The following ARRB2 variants were observed in gnomAD, a reference collection of about 807,000 sequenced individuals.
ARRB2 encodes arrestin beta 2.
A neutral mutation model predicts 53.4 loss-of-function variants in ARRB2; 21 were observed. That is an observed-to-expected ratio of 0.39 (90% CI 0.28 to 0.57). The LOEUF is 0.57. ARRB2 is among the 20% of genes least tolerant of loss of function. The pLI is 0.55. For synonymous variants in ARRB2, 180 were observed against 212.9 expected (o/e 0.85, Z 1.34); for missense variants, 369 against 527.5 (o/e 0.70, Z 2.94).
intron 14 of ARRB2, 32 bp from the exon 15 acceptor site, chr17:4,720,914 C>G (rs1346659908): frequency 1.2e-6 from 2 of 1,606,550 alleles, no homozygotes; most frequent in Admixed American, 1.7e-5. Context: ...GTCAGAAGCC[C>G]TCACCTCACA....
intron 5 of ARRB2, chr17:4,716,995 C>T (rs146514515): frequency 5.0e-5 from 30 of 597,674 alleles, no homozygotes; most frequent in East Asian, 3.8e-4. Flanking sequence ...CCACCACACA[C>T]GACTAATTTT....
At position 4,717,313 on chromosome 17, in the gene ARRB2, G is replaced by A; in HGVS notation, c.417+37G>A. 6.2e-7 allele frequency: 1 copy of A among 1,609,218 alleles called. No individual in the cohort carries two copies. The highest frequency in any genetic ancestry group is 8.5e-7 in the Non-Finnish European group (1 of 1,175,582). On this transcript the variant is annotated intron_variant, in intron 6 of 14. Transcript: ENST00000269260. This position sits in a 1 kb window ranked among gnomAD's most constrained non-coding sequence, Gnocchi z 6.0. ...ACAGCTCTGAGGGCTCCTAGGGCAG[G>A]ACATGGGCCAGCAGGAGCCTGGAGG...
In ARRB2 at chr17:4,721,083, G is replaced by C. The variant is rs35270783; in HGVS notation, c.*44G>C. 1,582 of 1,580,626 alleles carry C rather than the reference G, an allele frequency of 1.0e-3. 12 individuals are homozygous for C. In the African/African-American group the frequency reaches 0.019, roughly 19 times the overall value. On this transcript the variant is annotated 3_prime_UTR_variant, in exon 15 of 15. Transcript: ENST00000269260. This position sits in a 1 kb window ranked among gnomAD's most constrained non-coding sequence, Gnocchi z 4.2. ...GGGAGGGGATGGGGTTGGGAGAGGTGAGGGCAGGATTAAGATCCCCACTGT... is the reference window on the plus strand; with the variant it reads ...GGGAGGGGATGGGGTTGGGAGAGGTCAGGGCAGGATTAAGATCCCCACTGT...
rs1246967079 is a variant in ARRB2, at chr17:4,721,189, C to T, written c.*150C>T. On this transcript the variant is annotated 3_prime_UTR_variant, in exon 15 of 15. Transcript: ENST00000269260. The surrounding 1 kb of genome is among the most constrained non-coding windows in gnomAD (Gnocchi z 4.2). ...ACCAATCCCTTCACACTCTCTCCCC[C>T]ATCCCCCCAAGATACACACTGGACC... is the stretch of plus-strand genomic sequence containing the variant. The T allele has an allele frequency of 8.0e-6, 6 of 745,808 alleles. No homozygotes were observed. In the Admixed American group the frequency reaches 1.6e-4, roughly 20 times the overall value. 46.2% of individuals were successfully genotyped at this position (745,808 alleles called of 1,614,324 possible). A position where few individuals can be genotyped will look rare whatever the true frequency, so the allele number is the denominator to read the frequency against.
chr17:4,715,067 TTTTGACCCTC>T, intron 2 of ARRB2, 24 bp downstream of exon 2: 1 of 1,602,392 alleles, frequency 6.2e-7, no homozygotes, highest in Non-Finnish European at 8.5e-7. Flanking sequence ...GCACTTACCC[TTTTGACCCTC>T]CCTGGGCCCC....
chr17:4,720,298 G>A lies in ARRB2; in HGVS notation c.1000G>A (p.Gly334Arg). The change falls in exon 12 of 15, where the codon GGG becomes AGG. Residue 334 changes from glycine (G) to arginine (R), a missense_variant and splice_region_variant. Physicochemically the swap from Gly to Arg is moderately radical, Grantham distance 125. Coordinates refer to ENST00000269260, the MANE Select transcript of ARRB2 (RefSeq NM_004313.4). ...GGTGAAGCTGGTGGTGTCTCGAGGCGGGTGAGTGTCATGGGGGAGCCTGGG... is the reference window on the plus strand; with the variant it reads ...GGTGAAGCTGGTGGTGTCTCGAGGCAGGTGAGTGTCATGGGGGAGCCTGGG... The part of the protein sequence containing the change: ...VKVKLVVSRG[G>R]DVSVELPFVL... The A allele has an allele frequency of 6.2e-7, 1 of 1,613,910 alleles. No individual in the cohort carries two copies. The highest frequency in any genetic ancestry group is 8.5e-7 in the Non-Finnish European group (1 of 1,179,934).
intron 1 of ARRB2, among the ~76,000 whole-genome samples, chr17:4,711,039 TGGAG>T (rs1413279094): frequency 6.7e-6 from 1 of 148,824 alleles, no homozygotes; most frequent in East Asian, 2.0e-4. Context: ...GATGCAGGGA[TGGAG>T]GAAGGAGGAG....
At chr17:4,715,720 C>CACACACAAAA in intron 2 of ARRB2, 1 of 394,696 alleles carries the variant, frequency 2.5e-6, no homozygotes, top group Non-Finnish European at 4.6e-6. Context: ...CACACACACA[C>CACACACAAAA]ACACAAACAC....
intron 11 of ARRB2, 126 bp from the exon 12 acceptor site, chr17:4,720,090 G>C: frequency 1.1e-6 from 1 of 932,198 alleles, no homozygotes; most frequent in Non-Finnish European, 1.7e-6. Context: ...CGCACGGCCT[G>C]GGCTGCTGGG....
intron 1 of ARRB2, among the ~76,000 whole-genome samples, chr17:4,712,946 G>A (rs1158124322): frequency 6.6e-6 from 1 of 152,122 alleles, no homozygotes; most frequent in Non-Finnish European, 1.5e-5. Context: ...AGAGATATTA[G>A]GAGCTCCATC....
chr17:4,713,630 CA>C (rs914728128), intron 1 of ARRB2, among the ~76,000 whole-genome samples: 9 of 146,156 alleles, frequency 6.2e-5, no homozygotes, highest in Non-Finnish European at 9.1e-5. Context: ...GACTCCGTTT[CA>C]AAAAAAAAAT....
intron 1 of ARRB2, 166 bp from the exon 2 acceptor site, chr17:4,714,847 C>A (rs903726735): frequency 3.9e-6 from 2 of 511,666 alleles, no homozygotes; most frequent in African/African-American, 2.0e-5. Context: ...ATAGGAAGGA[C>A]CTTCCGGGAA....
At chr17:4,715,568 GACACACACACAC>G (rs112527658) in intron 2 of ARRB2, 1 of 211,840 alleles carries the variant, frequency 4.7e-6, no homozygotes, top group Non-Finnish European at 9.3e-6. Context: ...CACACACACG[GACACACACACAC>G]ACACACGGAC....
In ARRB2 at chr17:4,720,549, G is replaced by A. The variant is rs201272259; in HGVS notation, c.1082-37G>A. On this transcript the variant is annotated intron_variant, in intron 13 of 14. Coordinates refer to ENST00000269260, the MANE Select transcript of ARRB2 (RefSeq NM_004313.4). ...CAGTGGAGGAAAACTGGCCCTTCCA[G>A]CACCCACCCCCACACCCCCTCTTCC... The A allele has an allele frequency of 3.8e-6, 6 of 1,572,560 alleles. No individual in the cohort carries two copies. The African/African-American group carries it at 8.2e-5, about 21-fold the overall frequency.
chr17:4,719,569 TCAGTGGTCACTGTACAG>T, intron 11 of ARRB2, 149 bp downstream of exon 11: 1 of 1,201,254 alleles, frequency 8.3e-7, no homozygotes, highest in South Asian at 1.6e-5. Context: ...CCAAATCTGA[TCAGTGGTCACTGTACAG>T]CAGGTTTAGT....
chr17:4,715,580 CACACACGG>C, intron 2 of ARRB2: 2 of 336,680 alleles, frequency 5.9e-6, no homozygotes, highest in Non-Finnish European at 1.1e-5. Context: ...CACACACACA[CACACACGG>C]ACACACACAA....
chr17:4,715,586 CGGACACACACAA>C (rs1914915065), intron 2 of ARRB2: 4 of 322,592 alleles, frequency 1.2e-5, no homozygotes, highest in South Asian at 5.8e-5. Context: ...CACACACACA[CGGACACACACAA>C]ACACACCTCG....
In ARRB2 at chr17:4,718,253, C is replaced by G. The variant is rs1440872260; in HGVS notation, c.622-8C>G. On this transcript the variant is annotated splice_polypyrimidine_tract_variant and splice_region_variant and intron_variant, in intron 8 of 14. Coordinates refer to ENST00000269260, the MANE Select transcript of ARRB2 (RefSeq NM_004313.4). ...GTTCCAATTCACATGACCCCCTCCCCCCAAAAGCTGTACTACCATGGGGAG... is the reference window on the plus strand; with the variant it reads ...GTTCCAATTCACATGACCCCCTCCCGCCAAAAGCTGTACTACCATGGGGAG... 2 of 1,609,270 alleles carry G rather than the reference C, an allele frequency of 1.2e-6. No homozygotes were observed. The highest frequency in any genetic ancestry group is 4.5e-5 in the East Asian group (2 of 44,844).
chr17:4,720,118 G>A (rs899098950), intron 11 of ARRB2, 98 bp from the exon 12 acceptor site: 18 of 1,285,308 alleles, frequency 1.4e-5, no homozygotes, highest in East Asian at 5.1e-5. Flanking sequence ...GGGCCTGTGC[G>A]AGTTTGTGGT....
Sources: gnomAD v4.1 joint callset for allele counts (sites outside exome capture counted in the v4.1 genomes callset) on GRCh38, gnomAD v4.1.1 for gene constraint, Gnocchi (gnomAD v3.1) non-coding constraint, MANE v1.5 for transcripts, NCBI Gene and HGNC (gene_info 2026-07-23, HGNC 2026-07-21) for gene names.